RGS6: variants seen among roughly 807,000 people sequenced by gnomAD.
The protein encoded by RGS6 is regulator of G-protein signaling 6.
In RGS6, 30 loss-of-function variants were observed where a neutral mutation model predicts 78.5. The ratio of observed to expected loss-of-function variants is 0.38; its 90% CI spans 0.29 to 0.52. The LOEUF is 0.52. Ranked by LOEUF, RGS6 falls within the 20% of genes least tolerant of loss-of-function variation. The pLI, the probability that RGS6 is intolerant of heterozygous loss-of-function variation, is 0.85. For synonymous variants in RGS6, 206 were observed against 206.0 expected (o/e 1.00, Z 0.00); for missense variants, 495 against 609.7 (o/e 0.81, Z 1.98).
At chr14:72,156,182 T>C (rs1485361518) in intron 2 of RGS6, among the ~76,000 whole-genome samples, 4 of 152,156 alleles carry the variant, frequency 2.6e-5, no homozygotes, top group Admixed American at 2.0e-4. Flanking sequence ...GCGCAGTGGC[T>C]TACGCCTGTG....
the RGS6 span, among the ~76,000 whole-genome samples, chr14:71,890,447 C>A: frequency 4.0e-5 from 6 of 151,344 alleles, no homozygotes; most frequent in African/African-American, 1.5e-4. Flanking sequence ...TCTCCTAACC[C>A]CTCATTCTAT....
At chr14:72,252,785 A>G (rs2056126262) in intron 2 of RGS6, among the ~76,000 whole-genome samples, 1 of 152,226 alleles carries the variant, frequency 6.6e-6, no homozygotes, top group South Asian at 2.1e-4. Context: ...ATGCAGTCCA[A>G]TTATCTCTTT....
At chr14:72,045,359 A>G (rs1294582497) in intron 2 of RGS6, among the ~76,000 whole-genome samples, 1 of 152,092 alleles carries the variant, frequency 6.6e-6, no homozygotes, top group Admixed American at 6.6e-5. Flanking sequence ...CCTTTAGTAT[A>G]AGGTTTTATG....
the RGS6 span, among the ~76,000 whole-genome samples, chr14:72,600,582 C>G: frequency 6.6e-5 from 10 of 152,102 alleles, no homozygotes; most frequent in Non-Finnish European, 1.5e-4. Flanking sequence ...CACACACACA[C>G]ACACACACAC....
At chr14:71,971,013 C>T (rs556848317) in intron 2 of RGS6, among the ~76,000 whole-genome samples, 2 of 152,044 alleles carry the variant, frequency 1.3e-5, no homozygotes, top group Non-Finnish European at 2.9e-5. Flanking sequence ...TGTCGTATAC[C>T]GAGTTCAGGA....
chr14:72,577,576 T>C, the RGS6 span, among the ~76,000 whole-genome samples: 1 of 152,122 alleles, frequency 6.6e-6, no homozygotes, highest in Non-Finnish European at 1.5e-5. Context: ...TCAAGACACA[T>C]CTAATTTAAA....
intron 2 of RGS6, among the ~76,000 whole-genome samples, chr14:72,350,410 C>T (rs564745366): frequency 6.6e-6 from 1 of 152,250 alleles, no homozygotes; most frequent in Admixed American, 6.5e-5. Flanking sequence ...CTGCAGTTGT[C>T]CCTGATGTTG....
chr14:72,606,863 C>G, the RGS6 span, among the ~76,000 whole-genome samples: 2 of 152,082 alleles, frequency 1.3e-5, no homozygotes, highest in Non-Finnish European at 2.9e-5. Flanking sequence ...TAGGACCTCC[C>G]CCTCTCTGTC....
At chr14:72,009,272 AG>A (rs1207186309) in intron 2 of RGS6, among the ~76,000 whole-genome samples, 3 of 152,210 alleles carry the variant, frequency 2.0e-5, no homozygotes, top group Non-Finnish European at 4.4e-5. Flanking sequence ...GATTGAGCCC[AG>A]GAAGTCAAGG....
the RGS6 span, chr14:72,595,159 AC>A: frequency 1.3e-5 from 2 of 152,262 alleles, no homozygotes; most frequent in Admixed American, 6.5e-5. Flanking sequence ...AGAGTGGTAA[AC>A]CCTTATGAAA....
At chr14:72,473,409 A>G (rs1044479549) in intron 9 of RGS6, among the ~76,000 whole-genome samples, 3 of 152,150 alleles carry the variant, frequency 2.0e-5, no homozygotes, top group South Asian at 2.1e-4. Context: ...GCACCACTGC[A>G]CTCCAGCCTC....
the RGS6 span, among the ~76,000 whole-genome samples, chr14:71,913,524 C>T: frequency 1.3e-5 from 2 of 152,214 alleles, no homozygotes; most frequent in Admixed American, 6.5e-5. Context: ...AGTAGTCATT[C>T]GCCTCCCACA....
intron 2 of RGS6, among the ~76,000 whole-genome samples, chr14:71,986,187 C>T (rs916531084): frequency 6.6e-6 from 1 of 152,170 alleles, no homozygotes; most frequent in Non-Finnish European, 1.5e-5. Flanking sequence ...CCCCTTTCAA[C>T]CTTCCATTTT....
At chr14:72,284,673 T>G (rs1469281018) in intron 2 of RGS6, among the ~76,000 whole-genome samples, 1 of 151,854 alleles carries the variant, frequency 6.6e-6, no homozygotes, top group Non-Finnish European at 1.5e-5. Context: ...CCACACAGAG[T>G]CCCCACAGGG....
chr14:72,216,398 A>G (rs2045577451), intron 2 of RGS6, among the ~76,000 whole-genome samples: 1 of 152,220 alleles, frequency 6.6e-6, no homozygotes, highest in South Asian at 2.1e-4. Flanking sequence ...CCTAGCTCCA[A>G]TTAGTTACCG....
chr14:72,509,985 C>T (rs1288256910), intron 13 of RGS6, among the ~76,000 whole-genome samples, 169 bp from the exon 14 acceptor site: 5 of 152,178 alleles, frequency 3.3e-5, no homozygotes, highest in Non-Finnish European at 7.3e-5. Context: ...GTTGGTGTAC[C>T]AAAGTCTGCA....
intron 17 of RGS6, chr14:72,541,593 C>T: frequency 6.5e-7 from 1 of 1,535,686 alleles, no homozygotes; most frequent in Non-Finnish European, 8.7e-7. Context: ...TCTGGGACTT[C>T]CTTCACTCCA....
chr14:72,430,670 G>A (rs952285489), intron 3 of RGS6, among the ~76,000 whole-genome samples: 2 of 152,106 alleles, frequency 1.3e-5, no homozygotes, highest in Non-Finnish European at 2.9e-5. Context: ...CAGGCTTTTG[G>A]GTTTTGGTTT....
the RGS6 span, among the ~76,000 whole-genome samples, chr14:72,577,736 C>T: frequency 0.037 from 5,644 of 152,306 alleles, 299 homozygotes; most frequent in African/African-American, 0.12. Flanking sequence ...GAGTCCAGCA[C>T]AGCCCTCACA....
Sources: gnomAD v4.1 joint callset for allele counts (sites outside exome capture counted in the v4.1 genomes callset) on GRCh38, gnomAD v4.1.1 for gene constraint, MANE v1.5 for transcripts, NCBI Gene and HGNC (gene_info 2026-07-23, HGNC 2026-07-21) for gene names.